Variants in NKAIN3 observed in about 807,000 individuals in gnomAD.
The protein encoded by NKAIN3 is sodium/potassium transporting ATPase interacting 3, also known as sodium/potassium-transporting ATPase subunit beta-1-interacting protein 3.
In NKAIN3, 25 loss-of-function variants were observed where a neutral mutation model predicts 30.2. The ratio of observed to expected loss-of-function variants is 0.83; its 90% CI spans 0.60 to 1.16. The LOEUF (loss-of-function observed/expected upper bound fraction) is 1.16, where lower values mean the gene tolerates loss of function less well. NKAIN3 is among the 50% of genes most tolerant of loss of function. NKAIN3 has a pLI of 0.00. For synonymous variants in NKAIN3, 91 were observed against 89.6 expected (o/e 1.02, Z -0.09); for missense variants, 225 against 254.1 (o/e 0.89, Z 0.78).
chr8:62,913,990 T>G (rs1822002179), intron 4 of NKAIN3, among the ~76,000 whole-genome samples: 1 of 152,182 alleles, frequency 6.6e-6, no homozygotes, highest in African/African-American at 2.4e-5. Flanking sequence ...ATCCTGTTAC[T>G]GGGTATATAC....
At chr8:62,657,147 A>C (rs1393919698) in intron 3 of NKAIN3, among the ~76,000 whole-genome samples, 2 of 152,182 alleles carry the variant, frequency 1.3e-5, no homozygotes, top group East Asian at 3.8e-4. Context: ...CTATATATGG[A>C]ATTCTACCTT....
At position 62,436,153 on chromosome 8, in the gene NKAIN3, T is replaced by G. The variant is rs139166389; in HGVS notation, c.55-143386T>G. 2.7e-3 allele frequency among the ~76,000 whole-genome samples: 405 copies of G among 152,304 alleles called. 3 individuals carry two copies. The highest frequency in any genetic ancestry group is 7.2e-3 in the African/African-American group (299 of 41,580). On this transcript the variant is annotated intron_variant, in intron 1 of 6. Coordinates refer to ENST00000623646, the MANE Select transcript of NKAIN3 (RefSeq NM_001304533.3). ...TCAGACTGCTCTCAAATATTATATA[T>G]CTTACAGGTCTCTCAGGGGCTAGGT... is the stretch of plus-strand genomic sequence containing the variant.
intron 3 of NKAIN3, among the ~76,000 whole-genome samples, chr8:62,641,255 A>G (rs1423229433): frequency 6.6e-6 from 1 of 152,160 alleles, no homozygotes; most frequent in Non-Finnish European, 1.5e-5. Flanking sequence ...GTGCTAACAG[A>G]AAGCTTTGAA....
At chr8:62,652,356 G>A (rs954589653) in intron 3 of NKAIN3, among the ~76,000 whole-genome samples, 10 of 152,146 alleles carry the variant, frequency 6.6e-5, no homozygotes, top group African/African-American at 2.2e-4. Context: ...AAGAGAATTT[G>A]GCATTTAGAC....
exon 6 of NKAIN3, chr8:62,999,443 A>G (rs1276328827): frequency 6.6e-6 from 1 of 152,236 alleles, no homozygotes; most frequent in African/African-American, 2.4e-5. Context: ...CAAGCTATTT[A>G]TAATGGATCC....
rs371247397 is a variant in NKAIN3, at chr8:62,330,703, T to G, written c.54+81576T>G. 8.6e-5 allele frequency among the ~76,000 whole-genome samples: 13 copies of G among 151,980 alleles called. No homozygotes were observed. In the East Asian group the frequency reaches 1.9e-3, roughly 23 times the overall value. The stretch of plus-strand genomic sequence containing the variant: ...AATTTTACATATCTAATGCCCAAGA[T>G]CTTTCTAATTAGAGTGTCCCTTCCC... On this transcript the variant is annotated intron_variant, in intron 1 of 6. Transcript: ENST00000623646.
At chr8:62,382,901 A>C (rs1338959432) in intron 1 of NKAIN3, among the ~76,000 whole-genome samples, 1 of 152,178 alleles carries the variant, frequency 6.6e-6, no homozygotes, top group African/African-American at 2.4e-5. Context: ...ACATCTGGAC[A>C]CAGCTTTTTC....
At chr8:62,692,947 T>G (rs1814028816) in intron 3 of NKAIN3, among the ~76,000 whole-genome samples, 1 of 152,210 alleles carries the variant, frequency 6.6e-6, no homozygotes, top group Non-Finnish European at 1.5e-5. Context: ...TTATTTTGCC[T>G]TCTATGCTCC....
At chr8:62,990,471 A>C in intron 5 of NKAIN3, 10 of 627,466 alleles carry the variant, frequency 1.6e-5, no homozygotes, top group East Asian at 1.0e-4. Context: ...TTTGTATAAA[A>C]TGTTATAAAT....
chr8:62,300,272 C>T (rs557130453), intron 1 of NKAIN3, among the ~76,000 whole-genome samples: 41 of 151,954 alleles, frequency 2.7e-4, no homozygotes, highest in African/African-American at 9.2e-4. Flanking sequence ...TTTAATTCAA[C>T]GTAGGAAAGA....
chr8:62,351,471 C>T (rs1023538181), intron 1 of NKAIN3, among the ~76,000 whole-genome samples: 15 of 149,246 alleles, frequency 1.0e-4, no homozygotes, highest in East Asian at 3.9e-4. Flanking sequence ...CCTGTAGATA[C>T]GGAGGCCTGA....
At chr8:62,396,669 AC>A (rs1423949011) in intron 1 of NKAIN3, among the ~76,000 whole-genome samples, 3 of 152,286 alleles carry the variant, frequency 2.0e-5, no homozygotes, top group African/African-American at 7.2e-5. Context: ...AGCCCTACTT[AC>A]CCTGTCTATT....
intron 3 of NKAIN3, among the ~76,000 whole-genome samples, chr8:62,729,052 A>AAAAC (rs1815382295): frequency 1.1e-4 from 15 of 138,482 alleles, no homozygotes; most frequent in Admixed American, 2.9e-4. Context: ...AAAAAAAAAA[A>AAAAC]CCTCCTGCTC....
At chr8:62,531,933 C>A (rs1415732585) in intron 1 of NKAIN3, among the ~76,000 whole-genome samples, 2 of 152,192 alleles carry the variant, frequency 1.3e-5, no homozygotes, top group African/African-American at 2.4e-5. Flanking sequence ...CAAGTGTCAT[C>A]GTGACTGCCC....
chr8:62,510,854 C>T (rs1807793983), intron 1 of NKAIN3, among the ~76,000 whole-genome samples: 1 of 151,990 alleles, frequency 6.6e-6, no homozygotes, highest in Non-Finnish European at 1.5e-5. Context: ...TCTGTTGACT[C>T]ACCTTCCCCC....
At position 62,970,049 on chromosome 8, in the gene NKAIN3, CAAA is replaced by C. The variant is rs1313148899; in HGVS notation, c.*4646_*4648del. Among the ~76,000 whole-genome samples, 2 of 147,816 alleles carry C rather than the reference CAAA, an allele frequency of 1.4e-5. No individual in the cohort carries two copies. The highest frequency in any genetic ancestry group is 3.0e-5 in the Non-Finnish European group (2 of 66,246). The stretch of plus-strand genomic sequence containing the variant: ...ATCTCTACAAAAACAAACAAATAAA[CAAA>C]AAATACCTAAAAAAAAATTTAAATT... On this transcript the variant is annotated 3_prime_UTR_variant, in exon 7 of 7. Transcript: ENST00000623646.
At chr8:62,869,317 C>T (rs1014315518) in intron 4 of NKAIN3, among the ~76,000 whole-genome samples, 4 of 152,004 alleles carry the variant, frequency 2.6e-5, no homozygotes, top group African/African-American at 9.7e-5. Context: ...CCCCTTGCCG[C>T]CACCCGGCGC....
chr8:62,610,407 G>T (rs377265573), intron 3 of NKAIN3, among the ~76,000 whole-genome samples: 49 of 151,722 alleles, frequency 3.2e-4, no homozygotes, highest in African/African-American at 1.2e-3. Flanking sequence ...AGAATAATGA[G>T]TTTGAATAAT....
At chr8:62,919,226 AATTTTTTTTTTTTTTTTTTTT>A (rs1822200639) in intron 5 of NKAIN3, among the ~76,000 whole-genome samples, 1 of 88,444 alleles carries the variant, frequency 1.1e-5, no homozygotes, top group African/African-American at 5.0e-5. Context: ...TTACTTTCAA[AATTTTTTTTTTTTTTTTTTTT>A]TTTTTTTTTT....
Sources: gnomAD v4.1 joint callset for allele counts (sites outside exome capture counted in the v4.1 genomes callset) on GRCh38, gnomAD v4.1.1 for gene constraint, MANE v1.5 for transcripts, NCBI Gene and HGNC (gene_info 2026-07-23, HGNC 2026-07-21) for gene names.